Variants in IFT81 observed in about 807,000 individuals in gnomAD.
IFT81 encodes the protein intraflagellar transport 81.
A neutral mutation model predicts 102.6 loss-of-function variants in IFT81; 72 were observed. The observed-to-expected ratio is 0.70, with a 90% CI of 0.58 to 0.85. IFT81 has a LOEUF of 0.85. Among genes scored for constraint, IFT81 ranks in the 40% least tolerant of loss-of-function variants. The probability of loss-of-function intolerance (pLI) is 0.00; values close to 1 mark genes in which losing one functional copy is unlikely to be tolerated. For missense variants in IFT81, 723 were observed against 787.3 expected (o/e 0.92, Z 0.98); for synonymous variants, 237 against 242.7 (o/e 0.98, Z 0.22).
intron 11 of IFT81, among the ~76,000 whole-genome samples, chr12:110,167,210 C>T (rs375964814): frequency 1.6e-4 from 25 of 152,040 alleles, no homozygotes; most frequent in East Asian, 1.2e-3. Flanking sequence ...TAGTAAAAGA[C>T]GAAGTTTCTG....
chr12:110,218,527 G>C lies in IFT81; in HGVS notation c.*301G>C, dbSNP rs2137629342. Reference sequence around the variant, plus strand: ...ACATATGTCCATTAAGAAACATGTAGTTTTTTTTTAGAATGTAATAACCCA... The same window carrying C: ...ACATATGTCCATTAAGAAACATGTACTTTTTTTTTAGAATGTAATAACCCA... On this transcript the variant is annotated 3_prime_UTR_variant, in exon 19 of 19. Transcript: ENST00000242591. The C allele has an allele frequency of 5.1e-6, 1 of 196,158 alleles. No individual in the cohort carries two copies. The highest frequency in any genetic ancestry group is 1.9e-4 in the South Asian group (1 of 5,244). The allele number at this position is 196,158 out of a possible 1,614,324, so 12.2% of individuals were successfully genotyped here.
At chr12:110,125,179 T>C (rs1431253142) in intron 1 of IFT81, among the ~76,000 whole-genome samples, 3 of 152,150 alleles carry the variant, frequency 2.0e-5, no homozygotes, top group African/African-American at 7.2e-5. Flanking sequence ...TGACGTGGAC[T>C]TTTACTTAAA....
At position 110,188,310 on chromosome 12, in the gene IFT81, C is replaced by T. The variant is rs538845101; in HGVS notation, c.1339-2610C>T. 1.0e-4 allele frequency among the ~76,000 whole-genome samples: 15 copies of T among 146,840 alleles called. 1 individual carries two copies. The highest frequency in any genetic ancestry group is 3.0e-4 in the African/African-American group (12 of 39,592). On this transcript the variant is annotated intron_variant, in intron 12 of 18. Coordinates refer to ENST00000242591, the MANE Select transcript of IFT81 (RefSeq NM_014055.4). The stretch of plus-strand genomic sequence containing the variant: ...TCGTGCCACTGCACTCCAGCCTGAG[C>T]GACAGAGCAAGACTCCGTCTCAAAA...
intron 18 of IFT81, among the ~76,000 whole-genome samples, chr12:110,213,060 A>G (rs1157591290): frequency 1.3e-5 from 2 of 151,972 alleles, no homozygotes; most frequent in Admixed American, 1.3e-4. Context: ...TGTACCATAA[A>G]CACTCTTTTT....
chr12:110,162,949 A>G lies in IFT81; in HGVS notation c.1072A>G (p.Lys358Glu). The G allele has an allele frequency of 1.9e-6, 3 of 1,613,790 alleles. No homozygotes were observed. The highest frequency in any genetic ancestry group is 2.5e-6 in the Non-Finnish European group (3 of 1,179,872). The change falls in exon 11 of 19, where the codon AAA (lysine) becomes GAA (glutamate). Residue 358 changes from lysine (K) to glutamate (E), a missense_variant. Lys to Glu is a moderately conservative substitution (Grantham distance 56). Transcript: ENST00000242591. Reference sequence around the variant, plus strand: ...TATCATTTCCCGTAAAAAAGAAGCCAAAGCTGAGGAACTTCAGGAGGCCAA... The same window carrying G: ...TATCATTTCCCGTAAAAAAGAAGCCGAAGCTGAGGAACTTCAGGAGGCCAA... ...ASIISRKKEA[K>E]AEELQEAKEK...
chr12:110,132,575 C>T lies in IFT81; in HGVS notation c.458C>T (p.Thr153Ile). 4 of 1,562,362 alleles carry T rather than the reference C, an allele frequency of 2.6e-6. No individual in the cohort carries two copies. The highest frequency in any genetic ancestry group is 3.5e-6 in the Non-Finnish European group (4 of 1,140,656). ...GAAGAGTTAATGGAAGCCTTTAAAA[C>T]TTTGCATAAAGAATATGAGCAGCTC... ...QYEELMEAFK[T>I]LHKEYEQLKI... is the part of the protein sequence containing the mutation. Residue 153 changes from threonine to isoleucine, a missense_variant, in exon 5 of 19, where the codon ACT (threonine) becomes ATT (isoleucine). Transcript: ENST00000242591.
At chr12:110,165,668 G>C (rs1354157418) in intron 11 of IFT81, among the ~76,000 whole-genome samples, 1 of 152,172 alleles carries the variant, frequency 6.6e-6, no homozygotes, top group Non-Finnish European at 1.5e-5. Flanking sequence ...CCATTTCCCT[G>C]TCACAGTTGA....
chr12:110,178,098 G>GA (rs994383088), intron 11 of IFT81, among the ~76,000 whole-genome samples: 6 of 142,516 alleles, frequency 4.2e-5, no homozygotes, highest in Non-Finnish European at 6.1e-5. Context: ...CTGTCTCAAA[G>GA]AAAAAAAAAA....
In IFT81 at chr12:110,205,459, G is replaced by T; in HGVS notation, c.1661G>T (p.Arg554Leu). The T allele has an allele frequency of 1.2e-6, 2 of 1,601,718 alleles. No individual in the cohort carries two copies. Among genetic ancestry groups the T allele is most frequent in the Non-Finnish European group, 1.7e-6 (2 of 1,175,598 alleles). Residue 554 changes from arginine to leucine, a missense_variant, in exon 16 of 19, where the codon CGT (arginine) becomes CTT (leucine). Arg to Leu is a moderately radical substitution (Grantham distance 102). Coordinates refer to ENST00000242591, the MANE Select transcript of IFT81 (RefSeq NM_014055.4). ...SKLEQEVRRLREECLQEESRY... is the reference protein window; with the variant it reads ...SKLEQEVRRLLEECLQEESRY... ...ATATTATAGGAAGTTAGAAGACTCC[G>T]TGAAGAATGTCTTCAAGAAGAAAGT... is the stretch of plus-strand genomic sequence containing the variant.
At chr12:110,202,787 AG>A (rs1459259622) in intron 14 of IFT81, among the ~76,000 whole-genome samples, 2 of 152,126 alleles carry the variant, frequency 1.3e-5, no homozygotes, top group African/African-American at 4.8e-5. Context: ...ATCTTTGGCA[AG>A]GTACTTGTTC....
chr12:110,162,985 G>T lies in IFT81; in HGVS notation c.1108G>T (p.Ala370Ser), dbSNP rs1405719847. ...ACTTCAGGAGGCCAAGGAGAAGTTAGCCAGCCTAGAGAGAGAAGCATCAGT... is the reference window on the plus strand; with the variant it reads ...ACTTCAGGAGGCCAAGGAGAAGTTATCCAGCCTAGAGAGAGAAGCATCAGT... ...EELQEAKEKL[A>S]SLEREASVKR... Residue 370 changes from alanine to serine, a missense_variant, in exon 11 of 19, where the codon GCC becomes TCC. By Grantham distance (99) the Ala-to-Ser change is moderately conservative. Coordinates refer to ENST00000242591, the MANE Select transcript of IFT81 (RefSeq NM_014055.4). The T allele has an allele frequency of 6.2e-7, 1 of 1,613,982 alleles. No individual in the cohort carries two copies. The highest frequency in any genetic ancestry group is 8.5e-7 in the Non-Finnish European group (1 of 1,179,930).
chr12:110,202,838 A>G (rs1898363588), intron 14 of IFT81, among the ~76,000 whole-genome samples: 1 of 152,138 alleles, frequency 6.6e-6, no homozygotes, highest in African/African-American at 2.4e-5. Context: ...TGGTATTAAT[A>G]TCTCTTTTGA....
intron 11 of IFT81, among the ~76,000 whole-genome samples, chr12:110,175,477 G>A (rs902023469): frequency 6.6e-6 from 1 of 152,174 alleles, no homozygotes; most frequent in Admixed American, 6.5e-5. Flanking sequence ...CATATAAATT[G>A]AGAGGAAACA....
In IFT81 at chr12:110,163,822, G is replaced by A. The variant is rs555466378; in HGVS notation, c.1188+757G>A. ...GTAGAGACGGGGTTTCACCAGGTTG[G>A]TCAGGCTGGTCTCAAACTCCTCACC... On this transcript the variant is annotated intron_variant, in intron 11 of 18. Coordinates refer to ENST00000242591, the MANE Select transcript of IFT81 (RefSeq NM_014055.4). Among the ~76,000 whole-genome samples the A allele has an allele frequency of 6.9e-3, 1,041 of 150,340 alleles. 1 individual carries two copies. The highest frequency in any genetic ancestry group is 9.4e-3 in the Non-Finnish European group (639 of 67,650).
chr12:110,165,276 CA>C (rs1896373577), intron 11 of IFT81, among the ~76,000 whole-genome samples: 1 of 151,954 alleles, frequency 6.6e-6, no homozygotes, highest in Non-Finnish European at 1.5e-5. Context: ...CTTGGTATAC[CA>C]GTTTTATTTT....
At chr12:110,145,963 A>G (rs749550616) in intron 9 of IFT81, among the ~76,000 whole-genome samples, 5 of 151,470 alleles carry the variant, frequency 3.3e-5, no homozygotes, top group Non-Finnish European at 5.9e-5. Context: ...GGTGCATGCC[A>G]CCAAGCCCAG....
At chr12:110,203,820 C>T (rs747022160) in intron 14 of IFT81, 44 bp from the exon 15 acceptor site, 2 of 1,290,020 alleles carry the variant, frequency 1.6e-6, no homozygotes, top group Non-Finnish European at 2.3e-6. Context: ...ATGTTTGGGA[C>T]CTTTGTTTTT....
intron 18 of IFT81, among the ~76,000 whole-genome samples, chr12:110,217,451 C>T (rs1233666255): frequency 1.3e-5 from 2 of 152,204 alleles, no homozygotes; most frequent in Non-Finnish European, 2.9e-5. Context: ...CTTCTGACTT[C>T]CAAACTCTAC....
At chr12:110,161,450 C>G (rs1272146023) in intron 10 of IFT81, among the ~76,000 whole-genome samples, 1 of 141,300 alleles carries the variant, frequency 7.1e-6, no homozygotes, top group Non-Finnish European at 1.5e-5. Context: ...GCCTGACCCA[C>G]TTTTTTTTTT....
Sources: gnomAD v4.1 joint callset for allele counts (sites outside exome capture counted in the v4.1 genomes callset) on GRCh38, gnomAD v4.1.1 for gene constraint, MANE v1.5 for transcripts, NCBI Gene and HGNC (gene_info 2026-07-23, HGNC 2026-07-21) for gene names.